Variants in ADAMTS14 observed in about 807,000 individuals in gnomAD.
ADAMTS14 encodes ADAM metallopeptidase with thrombospondin type 1 motif 14.
ADAMTS14 carries 100 observed loss-of-function variants against 128.6 expected under a neutral mutation model. The ratio of observed to expected loss-of-function variants is 0.78; its 90% CI spans 0.66 to 0.92. The LOEUF (loss-of-function observed/expected upper bound fraction) is 0.92, where lower values mean the gene tolerates loss of function less well. Among genes scored for constraint, ADAMTS14 ranks in the 40% least tolerant of loss-of-function variants. The probability of loss-of-function intolerance (pLI) is 0.00; values close to 1 mark genes in which losing one functional copy is unlikely to be tolerated. For synonymous variants in ADAMTS14, 665 were observed against 653.8 expected (o/e 1.02, Z -0.26); for missense variants, 1,562 against 1,658.6 (o/e 0.94, Z 1.01).
intron 2 of ADAMTS14, among the ~76,000 whole-genome samples, chr10:70,688,880 GGAGGGGGAGGGGGAGGGAGAGGGA>G (rs1564521610): frequency 0.03 from 235 of 7,884 alleles, 70 homozygotes; most frequent in East Asian, 0.098. Flanking sequence ...AGGGGGAGGG[GGAGGGGGAGGGGGAGGGAGAGGGA>G]GAGCCTTTGC....
chr10:70,753,889 C>G lies in ADAMTS14; in HGVS notation c.2819C>G (p.Ser940Cys). The change falls in exon 19 of 22, where the codon TCC becomes TGC. Residue 940 changes from serine to cysteine, a missense_variant. By Grantham distance (112) the Ser-to-Cys change is moderately radical (BLOSUM62 -1). Coordinates refer to ENST00000373207, the MANE Select transcript of ADAMTS14 (RefSeq NM_080722.4). ...GGGATACAGTGCCTGCTGCCCCTCT[C>G]CAATGGAACCCACAAGGTCATGCCG... The part of the protein sequence containing the change: ...TRGIQCLLPL[S>C]NGTHKVMPAK... 6.3e-7 allele frequency: 1 copy of G among 1,591,766 alleles called. No homozygotes were observed. The highest frequency in any genetic ancestry group is 8.5e-7 in the Non-Finnish European group (1 of 1,170,218).
chr10:70,735,203 C>T lies in ADAMTS14; in HGVS notation c.1387C>T (p.Pro463Ser). 1.9e-6 allele frequency: 3 copies of T among 1,613,494 alleles called. No individual in the cohort carries two copies. Among genetic ancestry groups the T allele is most frequent in the Non-Finnish European group, 2.5e-6 (3 of 1,179,714 alleles). Reference sequence around the variant, plus strand: ...CTGCCTCCTCGATGACCCCTTTGATCCTGCCTGGCCCCAGCCCCCAGAGCT... The same window carrying T: ...CTGCCTCCTCGATGACCCCTTTGATTCTGCCTGGCCCCAGCCCCCAGAGCT... ...YDCLLDDPFD[P>S]AWPQPPELPG... The change falls in exon 9 of 22, where the codon CCT becomes TCT. Residue 463 changes from proline (P) to serine (S), a missense_variant. By Grantham distance (74) the Pro-to-Ser change is moderately conservative (BLOSUM62 -1). Coordinates refer to ENST00000373207, the MANE Select transcript of ADAMTS14 (RefSeq NM_080722.4).
Position 70,674,723 on chromosome 10 carries a change from C to G in ADAMTS14, c.250C>G (p.Arg84Gly). The G allele has an allele frequency of 1.2e-6, 2 of 1,613,464 alleles. No homozygotes were observed. The highest frequency in any genetic ancestry group is 1.7e-6 in the Non-Finnish European group (2 of 1,180,004). ...PTLPRHSSHL[R>G]VARSPLHPGG... ...ACTACCACGACACTCCAGTCACCTC[C>G]GGGTGGCTCGCAGCCCTCTGCACCC... is the stretch of plus-strand genomic sequence containing the variant. The change falls in exon 2 of 22, where the codon CGG becomes GGG. Residue 84 changes from arginine to glycine, a missense_variant. Arg to Gly is a moderately radical substitution (Grantham distance 125). Coordinates refer to ENST00000373207, the MANE Select transcript of ADAMTS14 (RefSeq NM_080722.4).
chr10:70,698,418 C>T (rs993488202), intron 2 of ADAMTS14, among the ~76,000 whole-genome samples: 1 of 152,158 alleles, frequency 6.6e-6, no homozygotes, highest in Non-Finnish European at 1.5e-5. Flanking sequence ...TTCCTGGCCA[C>T]GGCAGAGATT....
chr10:70,700,038 G>A (rs903041218), intron 2 of ADAMTS14, among the ~76,000 whole-genome samples: 1 of 152,044 alleles, frequency 6.6e-6, no homozygotes, highest in Non-Finnish European at 1.5e-5. Flanking sequence ...AAAGCGGGAT[G>A]GGATAAATCA....
At position 70,741,177 on chromosome 10, in the gene ADAMTS14, C is replaced by T. The variant is rs747491376; in HGVS notation, c.1924+15C>T. The T allele has an allele frequency of 1.2e-6, 2 of 1,608,452 alleles. No individual in the cohort carries two copies. The highest frequency in any genetic ancestry group is 1.1e-5 in the South Asian group (1 of 90,906). On this transcript the variant is annotated intron_variant, in intron 12 of 21. Transcript: ENST00000373207. Reference sequence around the variant, plus strand: ...GCCTGACGATGGTGAGTGGGCCCCACCCCCCTCCCACTCCATGTCCTTAGG... The same window carrying T: ...GCCTGACGATGGTGAGTGGGCCCCATCCCCCTCCCACTCCATGTCCTTAGG...
chr10:70,706,833 A>G (rs906346011), intron 3 of ADAMTS14, among the ~76,000 whole-genome samples: 11 of 152,212 alleles, frequency 7.2e-5, no homozygotes, highest in Non-Finnish European at 2.9e-5. Flanking sequence ...TCAGATCCCC[A>G]TTACCTGAGC....
At chr10:70,748,308 C>T (rs987050351) in intron 15 of ADAMTS14, among the ~76,000 whole-genome samples, 1 of 152,160 alleles carries the variant, frequency 6.6e-6, no homozygotes, top group African/African-American at 2.4e-5. Flanking sequence ...CAGGGCTCTG[C>T]TACAGTGAGG....
chr10:70,743,889 C>G (rs547127537), intron 13 of ADAMTS14, among the ~76,000 whole-genome samples, 177 bp from the exon 14 acceptor site: 1 of 152,296 alleles, frequency 6.6e-6, no homozygotes, highest in African/African-American at 2.4e-5. Context: ...ATCCTCATCA[C>G]GCCGGGTGTA....
Position 70,760,806 on chromosome 10 carries a change from C to T in ADAMTS14, c.3625C>T (p.Leu1209=), listed in dbSNP as rs781128100. The change falls in exon 22 of 22, where the codon CTG becomes TTG. Residue 1209 remains leucine (L), a synonymous_variant. Coordinates refer to ENST00000373207, the MANE Select transcript of ADAMTS14 (RefSeq NM_080722.4). ...GGACAAAGGGCAACCTGGAGAAGAC[C>T]TGAGACATCCCGGCACCAGCCTCCC... ...PEDKGQPGED[L]RHPGTSLPAA... is the part of the protein sequence containing the mutation. 8 of 1,600,052 alleles carry T rather than the reference C, an allele frequency of 5.0e-6. No individual in the cohort carries two copies. Among genetic ancestry groups the T allele is most frequent in the Non-Finnish European group, 6.0e-6 (7 of 1,171,388 alleles).
intron 21 of ADAMTS14, 139 bp from the exon 22 acceptor site, chr10:70,760,221 C>A: frequency 8.6e-7 from 1 of 1,163,994 alleles, no homozygotes; most frequent in Non-Finnish European, 1.2e-6. Context: ...AGCCCCCACC[C>A]TGAGAAAAAG....
chr10:70,709,495 GTTT>G (rs746940189), intron 4 of ADAMTS14, among the ~76,000 whole-genome samples: 1 of 101,840 alleles, frequency 9.8e-6, no homozygotes, highest in African/African-American at 4.1e-5. Flanking sequence ...AACATTTCCA[GTTT>G]TTTTTTTTTT....
chr10:70,751,928 C>G (rs1292610098), intron 17 of ADAMTS14, among the ~76,000 whole-genome samples, 167 bp from the exon 18 acceptor site: 2 of 152,216 alleles, frequency 1.3e-5, no homozygotes, highest in East Asian at 3.9e-4. Context: ...CGAGATGGAG[C>G]TGATCAGGAA....
chr10:70,695,248 T>C (rs2132576217), intron 2 of ADAMTS14, among the ~76,000 whole-genome samples: 1 of 152,332 alleles, frequency 6.6e-6, no homozygotes, highest in East Asian at 1.9e-4. Flanking sequence ...ATATTCCAGA[T>C]ACAAGTCCCT....
rs1380395660 is a variant in ADAMTS14 at position 70,672,580 on chromosome 10, A to C, written c.-223A>C. 7.3e-5 allele frequency among the ~76,000 whole-genome samples: 11 copies of C among 151,448 alleles called. No individual in the cohort carries two copies. Among genetic ancestry groups the C allele is most frequent in the Non-Finnish European group, 1.5e-4 (10 of 67,804 alleles). ...TGGCGCGTCAGTGGCCCCGCTCTCC[A>C]GCCGGCAGCCTCGCGCGCCCGGAGC... On this transcript the variant is annotated 5_prime_UTR_variant, in exon 1 of 22. Transcript: ENST00000373207.
chr10:70,751,201 C>T (rs948934829), intron 16 of ADAMTS14, among the ~76,000 whole-genome samples: 1 of 152,162 alleles, frequency 6.6e-6, no homozygotes, highest in African/African-American at 2.4e-5. Context: ...CCCTGCCCTC[C>T]CATCAGAACT....
At chr10:70,739,691 G>A (rs999059534) in intron 11 of ADAMTS14, among the ~76,000 whole-genome samples, 9 of 152,126 alleles carry the variant, frequency 5.9e-5, no homozygotes, top group African/African-American at 2.2e-4. Context: ...ACAGGGCCTG[G>A]CCTGACCCCT....
At chr10:70,730,736 CATA>C (rs939724196) in intron 6 of ADAMTS14, among the ~76,000 whole-genome samples, 4 of 152,190 alleles carry the variant, frequency 2.6e-5, no homozygotes, top group African/African-American at 4.8e-5. Context: ...TGGGGAACAT[CATA>C]ATACTTGCCT....
intron 19 of ADAMTS14, among the ~76,000 whole-genome samples, chr10:70,755,233 C>T (rs1842452444): frequency 6.7e-6 from 1 of 150,254 alleles, no homozygotes; most frequent in African/African-American, 2.5e-5. Flanking sequence ...CTTGAGCCCA[C>T]GAGGTCAAGG....
Sources: allele counts gnomAD v4.1 joint callset (sites outside exome capture counted in the v4.1 genomes callset), GRCh38; gene constraint gnomAD v4.1.1; transcripts MANE v1.5; gene names NCBI Gene and HGNC (gene_info 2026-07-23, HGNC 2026-07-21).